PDE10A: variants seen among roughly 807,000 people sequenced by gnomAD.
PDE10A encodes the protein cAMP and cAMP-inhibited cGMP 3',5'-cyclic phosphodiesterase 10A.
Under a neutral mutation model 97.7 loss-of-function variants are expected in PDE10A, and 39 were observed. The ratio of observed to expected loss-of-function variants is 0.40; its 90% CI spans 0.31 to 0.52. The LOEUF is 0.52. Ranked by LOEUF, PDE10A falls within the 20% of genes least tolerant of loss-of-function variation. PDE10A has a pLI of 0.56. For missense variants in PDE10A, 731 were observed against 1,047.8 expected (o/e 0.70, Z 4.17); for synonymous variants, 371 against 376.8 (o/e 0.98, Z 0.18).
intron 1 of PDE10A, among the ~76,000 whole-genome samples, chr6:165,882,934 G>C (rs1440025672): frequency 6.6e-6 from 1 of 152,122 alleles, no homozygotes; most frequent in Admixed American, 6.5e-5. Flanking sequence ...ATCACAATTA[G>C]AAATTAAAAG....
At chr6:165,365,310 T>C (rs919418915) in intron 18 of PDE10A, among the ~76,000 whole-genome samples, 8 of 152,150 alleles carry the variant, frequency 5.3e-5, no homozygotes, top group Non-Finnish European at 8.8e-5. Context: ...TGTAGCATAA[T>C]ACATTGACCA....
At chr6:165,795,411 C>T (rs2128464455) in intron 1 of PDE10A, among the ~76,000 whole-genome samples, 1 of 152,182 alleles carries the variant, frequency 6.6e-6, no homozygotes, top group East Asian at 1.9e-4. Context: ...CTTTATAGCA[C>T]ATCACCTGTG....
intron 1 of PDE10A, among the ~76,000 whole-genome samples, chr6:165,648,981 AAGAG>A (rs576473372): frequency 4.0e-4 from 61 of 152,196 alleles, no homozygotes; most frequent in South Asian, 2.9e-3. Flanking sequence ...CTCCCAGAAA[AAGAG>A]AGCAATCGCC....
At chr6:165,977,574 C>T (rs1200294683) in intron 1 of PDE10A, among the ~76,000 whole-genome samples, 1 of 152,160 alleles carries the variant, frequency 6.6e-6, no homozygotes, top group Non-Finnish European at 1.5e-5. Flanking sequence ...TGTCAAGATT[C>T]TATATCTGAA....
chr6:165,409,037 T>C (rs922033895), intron 13 of PDE10A, among the ~76,000 whole-genome samples: 1 of 140,870 alleles, frequency 7.1e-6, no homozygotes, highest in Non-Finnish European at 1.6e-5. Flanking sequence ...TAGTGGCGGG[T>C]GCCTGTAGTC....
At position 165,396,400 on chromosome 6, in the gene PDE10A, G is replaced by T; in HGVS notation, c.2136C>A (p.Ser712=). ...CTTCTGAAGTACAAATGCTATGGTA[G>T]GACAGCTTTTCCATCGTTACCCGGT... The part of the protein sequence containing the change: ...CIYRVTMEKL[S]YHSICTSEEW... Residue 712 remains serine (S), a synonymous_variant, in exon 14 of 22, where the codon TCC becomes TCA. Coordinates refer to ENST00000539869, the MANE Select transcript of PDE10A (RefSeq NM_001385079.1). The T allele has an allele frequency of 6.2e-7, 1 of 1,612,962 alleles. No homozygotes were observed. The highest frequency in any genetic ancestry group is 8.5e-7 in the Non-Finnish European group (1 of 1,179,252).
chr6:165,445,953 A>T (rs221752), intron 5 of PDE10A, among the ~76,000 whole-genome samples: 34,810 of 151,904 alleles, frequency 0.23, 4,464 homozygotes, highest in Middle Eastern at 0.32. Context: ...TAAAACACAT[A>T]AGCAAAAAAG....
intron 1 of PDE10A, among the ~76,000 whole-genome samples, chr6:165,703,331 A>G (rs1471359047): frequency 2.0e-5 from 3 of 152,148 alleles, no homozygotes; most frequent in Non-Finnish European, 4.4e-5. Flanking sequence ...TCCCTTTCAT[A>G]TAGAGAGTGG....
chr6:165,382,170 C>A (rs75358976), intron 17 of PDE10A, among the ~76,000 whole-genome samples: 1,785 of 152,178 alleles, frequency 0.012, 29 homozygotes, highest in African/African-American at 0.04. Flanking sequence ...TGGCTGAGAT[C>A]TGATATTAGA....
intron 3 of PDE10A, among the ~76,000 whole-genome samples, chr6:165,474,774 C>T (rs528092799): frequency 1.3e-5 from 2 of 152,218 alleles, no homozygotes; most frequent in East Asian, 3.9e-4. Flanking sequence ...ATCTAACATC[C>T]TAAATTTTTA....
intron 18 of PDE10A, among the ~76,000 whole-genome samples, chr6:165,368,796 G>A (rs1463550984): frequency 1.3e-5 from 2 of 152,194 alleles, no homozygotes; most frequent in African/African-American, 4.8e-5. Flanking sequence ...CCTGACCCCT[G>A]ACCCCTGAGC....
At chr6:165,430,984 T>C (rs1789511437) in intron 8 of PDE10A, among the ~76,000 whole-genome samples, 1 of 152,180 alleles carries the variant, frequency 6.6e-6, no homozygotes, top group Non-Finnish European at 1.5e-5. Context: ...TAGTTGGTGA[T>C]TTTTAAATTA....
At chr6:165,728,529 A>G (rs1792352576) in intron 1 of PDE10A, among the ~76,000 whole-genome samples, 1 of 152,138 alleles carries the variant, frequency 6.6e-6, no homozygotes, top group Non-Finnish European at 1.5e-5. Flanking sequence ...CCCAATTATC[A>G]CCATGCAAAA....
In PDE10A at chr6:165,875,731, G is replaced by GTTTTTTT. The variant is rs748111095; in HGVS notation, c.-615+111791_-615+111797dup. Among the ~76,000 whole-genome samples, 101 of 46,864 alleles carry GTTTTTTT rather than the reference G, an allele frequency of 2.2e-3. 1 individual carries two copies. The highest frequency in any genetic ancestry group is 3.8e-3 in the African/African-American group (49 of 12,810). The allele number at this position is 46,864 out of a possible 152,430, so 30.7% of individuals were successfully genotyped here. A position where few individuals can be genotyped will look rare whatever the true frequency, so the allele number is the denominator to read the frequency against. On this transcript the variant is annotated intron_variant, in intron 1 of 19. Transcript: ENST00000366882. ...CTGATAGGACTTATTTTCTTTTACT[G>GTTTTTTT]TTTTTTTTTTTTTTTTGTGTGTGTG...
At chr6:165,465,882 C>T (rs966115859) in intron 3 of PDE10A, among the ~76,000 whole-genome samples, 11 of 152,114 alleles carry the variant, frequency 7.2e-5, no homozygotes, top group African/African-American at 2.7e-4. Flanking sequence ...TTAGGAGTAG[C>T]ATAGTTCCGA....
At chr6:165,505,917 A>C (rs1771436842) in intron 2 of PDE10A, among the ~76,000 whole-genome samples, 1 of 152,202 alleles carries the variant, frequency 6.6e-6, no homozygotes, top group South Asian at 2.1e-4. Context: ...ATATTCTAAA[A>C]GTAACATGCA....
At chr6:165,810,173 G>C (rs768973022) in intron 1 of PDE10A, among the ~76,000 whole-genome samples, 3 of 152,144 alleles carry the variant, frequency 2.0e-5, no homozygotes, top group African/African-American at 4.8e-5. Context: ...TGAGCTGTGT[G>C]TTTCAAGAAC....
intron 13 of PDE10A, among the ~76,000 whole-genome samples, chr6:165,404,851 AAAAAC>A (rs59508942): frequency 4.5e-4 from 68 of 151,094 alleles, no homozygotes; most frequent in Non-Finnish European, 7.7e-4. Flanking sequence ...ACCAAAATGC[AAAAAC>A]AAAACAAAAC....
chr6:165,839,941 T>TCCATCC (rs1780195597), intron 1 of PDE10A, among the ~76,000 whole-genome samples: 2 of 29,510 alleles, frequency 6.8e-5, no homozygotes, highest in South Asian at 9.4e-4. Context: ...ATTCTTATCT[T>TCCATCC]CATTTCCATC....
Sources: gnomAD v4.1 joint callset for allele counts (sites outside exome capture counted in the v4.1 genomes callset) on GRCh38, gnomAD v4.1.1 for gene constraint, MANE v1.5 for transcripts, NCBI Gene and HGNC (gene_info 2026-07-23, HGNC 2026-07-21) for gene names.